The following PAX6 variants were observed in gnomAD, a reference collection of about 807,000 sequenced individuals.
PAX6 encodes the protein paired box protein Pax-6.
PAX6 carries 7 observed loss-of-function variants against 60.7 expected under a neutral mutation model. The ratio of observed to expected loss-of-function variants is 0.12; its 90% confidence interval spans 0.07 to 0.22. The LOEUF (loss-of-function observed/expected upper bound fraction) is 0.22, where lower values mean the gene tolerates loss of function less well. Ranked by LOEUF, PAX6 falls within the 10% of genes least tolerant of loss-of-function variation. The pLI, the probability that PAX6 is intolerant of heterozygous loss-of-function variation, is 1.00. For missense variants in PAX6, 355 were observed against 555.2 expected, an observed-to-expected ratio of 0.64 and a Z score of 3.62; for synonymous variants, 208 against 201.2, an observed-to-expected ratio of 1.03 and a Z score of -0.29.
At chr11:31,795,983 C>T (rs1197449008) in intron 8 of PAX6, among the ~76,000 whole-genome samples, 2 of 152,238 alleles carry the variant, frequency 1.3e-5, no homozygotes, top group Non-Finnish European at 2.9e-5. Context: ...TCGACTTGGC[C>T]AGGAATATTA....
chr11:31,801,569 T>A lies in PAX6; in HGVS notation c.391A>T (p.Ile131Leu), dbSNP rs752455847. The change falls in exon 7 of 14, where the codon ATA becomes TTA. Residue 131 changes from isoleucine to leucine, a missense_variant. Coordinates refer to ENST00000640368, the MANE Select transcript of PAX6 (RefSeq NM_001368894.2). ...GTTCTCAATGAACTTACGCTTGGTA[T>A]GTTATCGTTGGTACAGACCCCCTCG... The part of the protein sequence containing the change: ...LSEGVCTNDN[I>L]PSVSSINRVL... 6.2e-7 allele frequency: 1 copy of A among 1,614,156 alleles called. No homozygotes were observed. Among genetic ancestry groups the A allele is most frequent in the South Asian group, 1.1e-5 (1 of 91,076 alleles).
At chr11:31,800,491 T>A (rs1029334622) in intron 8 of PAX6, 200 bp downstream of exon 8, 12 of 729,272 alleles carry the variant, frequency 1.6e-5, no homozygotes, top group Non-Finnish European at 2.9e-5. Flanking sequence ...TACACAACCC[T>A]CACATTCCCA....
Position 31,793,737 on chromosome 11 carries a change from C to T in PAX6, c.873G>A (p.Gln291=), listed in dbSNP as rs149053004. The part of the protein sequence containing the change: ...REEKLRNQRR[Q]ASNTPSHIPI... The stretch of plus-strand genomic sequence containing the variant: ...GAATATGACTAGGTGTGTTGCTGGC[C>T]TGTCTTCTCTGATTCCTCAGTTTTT... Residue 291 remains glutamine, a synonymous_variant, in exon 11 of 14, where the codon CAG becomes CAA. Transcript: ENST00000640368. 1.1e-3 allele frequency: 1,786 copies of T among 1,614,158 alleles called. 8 individuals are homozygous for T. Among genetic ancestry groups the T allele is most frequent in the Middle Eastern group, 5.9e-3 (36 of 6,062 alleles).
Position 31,810,591 on chromosome 11 carries a change from TG to T in PAX6, c.-129+236del, listed in dbSNP as rs1354271128. 6.1e-5 allele frequency: 20 copies of T among 326,126 alleles called. No homozygotes were observed. In the Admixed American group the frequency reaches 6.9e-4, roughly 11 times the overall value. 20.2% of individuals were successfully genotyped at this position (326,126 alleles called of 1,614,324 possible). ...GCTGGCGCTGGCGCTGGGGCTGAGCTGGCCGCCCGCCCCGAGCCCTGCGCCG... is the reference window on the plus strand; with the variant it reads ...GCTGGCGCTGGCGCTGGGGCTGAGCTGCCGCCCGCCCCGAGCCCTGCGCCG... On this transcript the variant is annotated intron_variant, in intron 2 of 13. Transcript: ENST00000640368.
chr11:31,792,762 C>T (rs1303761096), intron 12 of PAX6: 2 of 183,258 alleles, frequency 1.1e-5, no homozygotes, highest in Non-Finnish European at 2.3e-5. Context: ...AGAGGAGAGG[C>T]AGGCTGTCAT....
At position 31,793,008 on chromosome 11, in the gene PAX6, ATGCCCCAAATGCG is replaced by A. The variant is rs1950377403; in HGVS notation, c.1074+417_1074+429del. The A allele has an allele frequency of 7.8e-6, 4 of 515,038 alleles. No homozygotes were observed. The South Asian group carries it at 9.9e-5, about 13-fold the overall frequency. The allele number at this position is 515,038 out of a possible 1,614,324, so 31.9% of individuals were successfully genotyped here. ...TAGTTTATCACATATACCCAAAGTA[ATGCCCCAAATGCG>A]TGCACAGATTCTATATTTAGCATAC... On this transcript the variant is annotated intron_variant, in intron 12 of 13. Coordinates refer to ENST00000640368, the MANE Select transcript of PAX6 (RefSeq NM_001368894.2).
intron 4 of PAX6, 93 bp from the exon 5 acceptor site, chr11:31,802,927 G>A: frequency 1.6e-6 from 2 of 1,265,400 alleles, no homozygotes; most frequent in Non-Finnish European, 2.2e-6. Flanking sequence ...GGAAGATGAG[G>A]GAGAACAAGA....
chr11:31,790,397 C>T (rs1326166715), intron 13 of PAX6: 11 of 1,271,724 alleles, frequency 8.6e-6, no homozygotes, highest in Middle Eastern at 3.2e-4. Flanking sequence ...TCAACAAGCA[C>T]GCACCTACAG....
At chr11:31,795,215 T>C (rs565397667) in intron 8 of PAX6, among the ~76,000 whole-genome samples, 1 of 152,394 alleles carries the variant, frequency 6.6e-6, no homozygotes, top group South Asian at 2.1e-4. Flanking sequence ...ATCAATTAGA[T>C]GTTGATAGGT....
rs1015207012 is a variant in PAX6, at chr11:31,806,148, C to T, written c.10+254G>A. ...ATTTGGGGGGGATGGGGTTTCTCTA[C>T]CGCAGCTTCGAAAACTCGGGCGGGC... On this transcript the variant is annotated intron_variant, in intron 4 of 13. Coordinates refer to ENST00000640368, the MANE Select transcript of PAX6 (RefSeq NM_001368894.2). 209 of 490,198 alleles carry T rather than the reference C, an allele frequency of 4.3e-4. 1 individual carries two copies. The highest frequency in any genetic ancestry group is 4.1e-5 in the Admixed American group (1 of 24,422). 30.4% of individuals were successfully genotyped at this position (490,198 alleles called of 1,614,324 possible). A position where few individuals can be genotyped will look rare whatever the true frequency, so the allele number is the denominator to read the frequency against.
rs36043815 is a variant in PAX6, at chr11:31,790,120, A to AC, written c.1226-102dup. The AC allele has an allele frequency of 7.2e-4, 546 of 760,094 alleles. 4 individuals are homozygous for AC. The highest frequency in any genetic ancestry group is 9.7e-4 in the Admixed American group (35 of 36,000). The allele number at this position is 760,094 out of a possible 1,614,324, so 47.1% of individuals were successfully genotyped here. A position where few individuals can be genotyped will look rare whatever the true frequency, so the allele number is the denominator to read the frequency against. ...TACAAAAAAAAAAAAAAAAAAAAAA[A>AC]CTAATACTTTCTAACATTTTTTACT... is the stretch of plus-strand genomic sequence containing the variant. On this transcript the variant is annotated intron_variant, in intron 13 of 13. Transcript: ENST00000640368.
intron 5 of PAX6, 99 bp from the exon 6 acceptor site, chr11:31,802,011 T>G (rs1278743663): frequency 2.1e-6 from 2 of 971,150 alleles, no homozygotes; most frequent in Admixed American, 2.2e-5. Flanking sequence ...ACAAATATGA[T>G]GATACTTTCA....
At chr11:31,816,380 C>T (rs527715824) in intron 1 of PAX6, 15 of 604,660 alleles carry the variant, frequency 2.5e-5, no homozygotes, top group Middle Eastern at 4.4e-4. Context: ...CATGAGAAGG[C>T]GACAGAGGAG....
rs373147550 is a variant in PAX6 at position 31,793,527 on chromosome 11, A to G, written c.985T>C (p.Leu329=). ...PVSSFTSGSM[L]GRTDTALTNT... is the part of the protein sequence containing the mutation. ...GTGAGGGCTGTGTCTGTTCGGCCCA[A>G]CATGGAGCCAGATGTGAAGGAGGAA... The change falls in exon 12 of 14, where the codon TTG becomes CTG. Residue 329 remains leucine, a synonymous_variant. Transcript: ENST00000640368. 486 of 1,614,142 alleles carry G rather than the reference A, an allele frequency of 3.0e-4. No individual in the cohort carries two copies. The highest frequency in any genetic ancestry group is 3.9e-4 in the Non-Finnish European group (464 of 1,180,056).
chr11:31,798,143 T>C (rs972078124), intron 8 of PAX6, among the ~76,000 whole-genome samples: 7 of 149,152 alleles, frequency 4.7e-5, no homozygotes, highest in East Asian at 3.9e-4. Context: ...ATCAAAACAT[T>C]GTAGCATCTG....
chr11:31,799,320 C>A (rs1192676934), intron 8 of PAX6, among the ~76,000 whole-genome samples: 7 of 152,026 alleles, frequency 4.6e-5, no homozygotes, highest in African/African-American at 7.2e-5. Flanking sequence ...GCCCGGGCCC[C>A]GCGCGTCAGG....
At chr11:31,806,623 CTG>C in intron 3 of PAX6, 161 bp from the exon 4 acceptor site, 1 of 613,804 alleles carries the variant, frequency 1.6e-6, no homozygotes, top group South Asian at 2.0e-5. Context: ...CAGCTCTGCC[CTG>C]CAGTGCATAC....
chr11:31,807,657 G>T (rs112811991), intron 2 of PAX6: 1 of 152,164 alleles, frequency 6.6e-6, no homozygotes, highest in East Asian at 1.9e-4. Context: ...TAAAAAGTAC[G>T]AACAGGAGGG....
At chr11:31,816,561 T>C in intron 1 of PAX6, 1 of 702,612 alleles carries the variant, frequency 1.4e-6, no homozygotes, top group Non-Finnish European at 2.6e-6. Flanking sequence ...GAAGGTCCAC[T>C]TCCCACTGCG....
Sources: allele counts gnomAD v4.1 joint callset (sites outside exome capture counted in the v4.1 genomes callset), GRCh38; gene constraint gnomAD v4.1.1; transcripts MANE v1.5; gene names NCBI Gene and HGNC (gene_info 2026-07-23, HGNC 2026-07-21).